The following TUBGCP3 variants were observed in gnomAD, a reference collection of about 807,000 sequenced individuals.
TUBGCP3 encodes tubulin gamma complex component 3, also known as gamma-tubulin complex component 3.
Under a neutral mutation model 123.1 loss-of-function variants are expected in TUBGCP3, and 50 were observed. The ratio of observed to expected loss-of-function variants is 0.41; its 90% confidence interval spans 0.32 to 0.51. The LOEUF is 0.51. TUBGCP3 is among the 20% of genes least tolerant of loss of function. TUBGCP3 has a pLI of 0.36. For synonymous variants in TUBGCP3, 405 were observed against 413.9 expected, an observed-to-expected ratio of 0.98 and a Z score of 0.26; for missense variants, 882 against 1,127.0, an observed-to-expected ratio of 0.78 and a Z score of 3.11.
At chr13:112,521,380 G>T (rs1259249242) in intron 14 of TUBGCP3, among the ~76,000 whole-genome samples, 1 of 152,258 alleles carries the variant, frequency 6.6e-6, no homozygotes. Context: ...TGGCTAGAAG[G>T]TAGGATGTAA....
Position 112,496,419 on chromosome 13 carries a change from A to AGGC in TUBGCP3, c.2448+2623_2448+2625dup, listed in dbSNP as rs1880531966. On this transcript the variant is annotated intron_variant, in intron 20 of 21. Coordinates refer to ENST00000261965, the MANE Select transcript of TUBGCP3 (RefSeq NM_006322.6). Reference sequence around the variant, plus strand: ...CCCAGGGCTCTGTCATCTTTCCAGGAGGCGACTTGCATGATCTCTTCAGAA... The same window carrying AGGC: ...CCCAGGGCTCTGTCATCTTTCCAGGAGGCGGCGACTTGCATGATCTCTTCAGAA... Among the ~76,000 whole-genome samples the AGGC allele has an allele frequency of 2.0e-5, 3 of 152,344 alleles. No individual in the cohort carries two copies. In the South Asian group the frequency reaches 6.2e-4, roughly 32 times the overall value.
At chr13:112,535,983 C>T (rs977020604) in intron 11 of TUBGCP3, among the ~76,000 whole-genome samples, 2 of 152,248 alleles carry the variant, frequency 1.3e-5, no homozygotes, top group Non-Finnish European at 1.5e-5. Flanking sequence ...CTTCTACATG[C>T]ATCCAGTTGT....
At chr13:112,559,447 C>G in intron 3 of TUBGCP3, 48 bp from the exon 4 acceptor site, 1 of 1,439,236 alleles carries the variant, frequency 6.9e-7, no homozygotes, top group Non-Finnish European at 9.6e-7. Flanking sequence ...ATACTACTCT[C>G]CAGCCTTATT....
At chr13:112,515,298 G>C (rs757971187) in intron 17 of TUBGCP3, among the ~76,000 whole-genome samples, 1 of 152,138 alleles carries the variant, frequency 6.6e-6, no homozygotes, top group East Asian at 1.9e-4. Context: ...TGACAGCATC[G>C]GTTTGGCCTT....
intron 11 of TUBGCP3, among the ~76,000 whole-genome samples, chr13:112,537,979 G>A (rs1878207057): frequency 6.6e-6 from 1 of 152,148 alleles, no homozygotes; most frequent in African/African-American, 2.4e-5. Flanking sequence ...AATCATCATG[G>A]TTTTGCTTTC....
chr13:112,498,544 T>C (rs1880670397), intron 20 of TUBGCP3, among the ~76,000 whole-genome samples: 1 of 152,228 alleles, frequency 6.6e-6, no homozygotes, highest in Non-Finnish European at 1.5e-5. Flanking sequence ...TTTAGGAGCA[T>C]TTCGTATTTT....
chr13:112,558,481 G>C, intron 4 of TUBGCP3, 68 bp from the exon 5 acceptor site: 1 of 1,329,806 alleles, frequency 7.5e-7, no homozygotes, highest in African/African-American at 1.5e-5. Context: ...ACCTAAAAAG[G>C]TCATTTATAT....
At chr13:112,591,198 T>G (rs545865066), upstream of TUBGCP3, among the ~76,000 whole-genome samples, 7 of 152,220 alleles carry the variant, frequency 4.6e-5, no homozygotes, top group East Asian at 1.4e-3. Context: ...CCACTAAGCT[T>G]AAAGGAGTTG....
At chr13:112,507,756 C>T (rs368507462) in intron 17 of TUBGCP3, among the ~76,000 whole-genome samples, 3 of 152,168 alleles carry the variant, frequency 2.0e-5, no homozygotes, top group Admixed American at 6.5e-5. Flanking sequence ...CTTTTGCTAA[C>T]GTCTTCTACT....
intron 11 of TUBGCP3, among the ~76,000 whole-genome samples, chr13:112,527,797 G>A (rs563128329): frequency 6.6e-6 from 1 of 152,292 alleles, no homozygotes; most frequent in Admixed American, 6.5e-5. Flanking sequence ...CCTCAGTAAC[G>A]GTGCAGGCTT....
chr13:112,591,414 G>A (rs1242159536), upstream of TUBGCP3, among the ~76,000 whole-genome samples: 1 of 152,226 alleles, frequency 6.6e-6, no homozygotes, highest in Non-Finnish European at 1.5e-5. Context: ...AGATGAGGAA[G>A]GTCTTCCTTT....
rs1277505294 is a variant in TUBGCP3, at chr13:112,519,273, G to T, written c.1882-230C>A. 6.6e-6 allele frequency among the ~76,000 whole-genome samples: 1 copy of T among 152,196 alleles called. No individual in the cohort carries two copies. Among genetic ancestry groups the T allele is most frequent in the Non-Finnish European group, 1.5e-5 (1 of 68,030 alleles). On this transcript the variant is annotated intron_variant, in intron 15 of 21. Transcript: ENST00000261965. This position sits in a 1 kb window ranked among gnomAD's most constrained non-coding sequence, Gnocchi z 6.2. ...CATGGTGTATTTCTGAATGAATATT[G>T]TGACTATGCGTTTAAAATTCATCAC...
intron 6 of TUBGCP3, 26 bp from the exon 7 acceptor site, chr13:112,555,031 T>A: frequency 7.2e-7 from 1 of 1,392,416 alleles, no homozygotes; most frequent in Non-Finnish European, 1.0e-6. Flanking sequence ...TTAAAGACAG[T>A]AATTACTAGA....
chr13:112,596,128 A>G, the TUBGCP3 span, among the ~76,000 whole-genome samples: 1 of 152,244 alleles, frequency 6.6e-6, no homozygotes, highest in East Asian at 1.9e-4. Flanking sequence ...GAACCACGCT[A>G]AATGGTGGTA....
chr13:112,532,949 C>T (rs1877707270), intron 11 of TUBGCP3, among the ~76,000 whole-genome samples: 1 of 152,212 alleles, frequency 6.6e-6, no homozygotes, highest in African/African-American at 2.4e-5. Flanking sequence ...TTCAATGATA[C>T]CACAGCAGAC....
chr13:112,504,300 C>A, intron 18 of TUBGCP3, 137 bp from the exon 19 acceptor site: 2 of 1,117,112 alleles, frequency 1.8e-6, no homozygotes, highest in Admixed American at 2.3e-5. Context: ...CCAGCCTGGC[C>A]AACATGGCAA....
chr13:112,558,111 G>C (rs1474828151), intron 5 of TUBGCP3, 85 bp downstream of exon 5: 2 of 1,431,740 alleles, frequency 1.4e-6, no homozygotes, highest in East Asian at 2.4e-5. Flanking sequence ...TGATACTGTG[G>C]GTGAACATCA....
rs61962884 is a variant in TUBGCP3 at position 112,508,138 on chromosome 13, T to C, written c.2087-3424A>G. ...CAGCCCTGGCCCCACCAGGTTTGCATTGCTTCGCTGTCATGGCTTTGGCTC... is the reference window on the plus strand; with the variant it reads ...CAGCCCTGGCCCCACCAGGTTTGCACTGCTTCGCTGTCATGGCTTTGGCTC... On this transcript the variant is annotated intron_variant, in intron 17 of 21. Transcript: ENST00000261965. This position sits in a 1 kb window ranked among gnomAD's most constrained non-coding sequence, Gnocchi z 4.2. Among the ~76,000 whole-genome samples the C allele has an allele frequency of 8.0e-3, 1,224 of 152,230 alleles. 9 individuals are homozygous for C. Among genetic ancestry groups the C allele is most frequent in the Admixed American group, 0.016 (240 of 15,274 alleles).
At chr13:112,561,280 G>A (rs1270674790) in intron 3 of TUBGCP3, among the ~76,000 whole-genome samples, 3 of 152,324 alleles carry the variant, frequency 2.0e-5, no homozygotes, top group Middle Eastern at 3.4e-3. Flanking sequence ...ACAGGGGCCC[G>A]TGAGGCTCAG....
Sources: allele counts gnomAD v4.1 joint callset (sites outside exome capture counted in the v4.1 genomes callset), GRCh38; gene constraint gnomAD v4.1.1; non-coding constraint Gnocchi (gnomAD v3.1); transcripts MANE v1.5; gene names NCBI Gene and HGNC (gene_info 2026-07-23, HGNC 2026-07-21).